Variants in COL26A1 observed in about 807,000 individuals in gnomAD.
COL26A1 encodes collagen alpha-1(XXVI) chain.
A neutral mutation model predicts 59.3 loss-of-function variants in COL26A1; 41 were observed. That is an observed-to-expected ratio of 0.69 (90% confidence interval 0.54 to 0.90). The LOEUF is 0.90. Among genes scored for constraint, COL26A1 ranks in the 40% least tolerant of loss-of-function variants. The probability of loss-of-function intolerance (pLI) is 0.00; values close to 1 mark genes in which losing one functional copy is unlikely to be tolerated. For synonymous variants in COL26A1, 266 were observed against 256.0 expected (o/e 1.04, Z -0.37); for missense variants, 612 against 602.3 (o/e 1.02, Z -0.17).
At chr7:101,554,441 C>T (rs1363895794) in intron 11 of COL26A1, among the ~76,000 whole-genome samples, 2 of 151,832 alleles carry the variant, frequency 1.3e-5, no homozygotes, top group African/African-American at 2.4e-5. Flanking sequence ...GACTGTGACC[C>T]CCTCCATTTC....
At position 101,504,807 on chromosome 7, in the gene COL26A1, C is replaced by CTGTGTG. The variant is rs149023314; in HGVS notation, c.386-28261_386-28256dup. ...CCTGGACTCTTGGTTGTTGCCCAGA[C>CTGTGTG]TGTGTGTGTGTGTGTGTGTATGTGT... On this transcript the variant is annotated intron_variant, in intron 3 of 12. Transcript: ENST00000313669. Among the ~76,000 whole-genome samples the CTGTGTG allele has an allele frequency of 1.4e-3, 211 of 150,496 alleles. 1 individual carries two copies. Among genetic ancestry groups the CTGTGTG allele is most frequent in the African/African-American group, 4.9e-3 (203 of 41,182 alleles).
intron 1 of COL26A1, among the ~76,000 whole-genome samples, chr7:101,371,265 A>C (rs1791185058): frequency 6.6e-6 from 1 of 152,148 alleles, no homozygotes; most frequent in Non-Finnish European, 1.5e-5. Flanking sequence ...GTGGATGATC[A>C]CATCCATGGG....
chr7:101,557,363 C>T lies in COL26A1; in HGVS notation c.1166-7C>T. The T allele has an allele frequency of 6.2e-7, 1 of 1,610,572 alleles. No individual in the cohort carries two copies. Among genetic ancestry groups the T allele is most frequent in the Non-Finnish European group, 8.5e-7 (1 of 1,177,508 alleles). On this transcript the variant is annotated splice_polypyrimidine_tract_variant and splice_region_variant and intron_variant, in intron 12 of 12. Coordinates refer to ENST00000313669, the MANE Select transcript of COL26A1 (RefSeq NM_001278563.3). ...ACCTCGAGTCCACCCTCCTGCTCTC[C>T]TTCCAGATCCCCTGGCCTCCCCAGA... is the stretch of plus-strand genomic sequence containing the variant.
Position 101,515,760 on chromosome 7 carries a change from T to C in COL26A1, c.386-17322T>C, listed in dbSNP as rs368609314. ...TGTGCCACCACAACCAGGTAATTTT[T>C]GTATTATTGGTAGAGACAAGGTTTT... is the stretch of plus-strand genomic sequence containing the variant. On this transcript the variant is annotated intron_variant, in intron 3 of 12. Transcript: ENST00000313669. Among the ~76,000 whole-genome samples the C allele has an allele frequency of 4.6e-5, 7 of 152,176 alleles. No individual in the cohort carries two copies. In the East Asian group the frequency reaches 1.4e-3, roughly 29 times the overall value.
At chr7:101,492,278 A>T (rs534320082) in intron 3 of COL26A1, among the ~76,000 whole-genome samples, 9 of 152,160 alleles carry the variant, frequency 5.9e-5, no homozygotes, top group Non-Finnish European at 1.3e-4. Flanking sequence ...CACACGGAAC[A>T]TGATGAGGAT....
At chr7:101,518,212 G>A (rs1008511620) in intron 3 of COL26A1, among the ~76,000 whole-genome samples, 4 of 152,162 alleles carry the variant, frequency 2.6e-5, no homozygotes, top group African/African-American at 4.8e-5. Flanking sequence ...GAATTTGTCT[G>A]TTCCTTGAGA....
At chr7:101,503,328 G>A (rs1298369998) in intron 3 of COL26A1, among the ~76,000 whole-genome samples, 2 of 152,214 alleles carry the variant, frequency 1.3e-5, no homozygotes, top group Non-Finnish European at 2.9e-5. Context: ...CCCACGTGCA[G>A]GAGTCACCCT....
chr7:101,393,392 A>G (rs1366863296), intron 1 of COL26A1, among the ~76,000 whole-genome samples: 1 of 152,160 alleles, frequency 6.6e-6, no homozygotes, highest in Non-Finnish European at 1.5e-5. Context: ...GGCAGGAAGC[A>G]TCCAGCACGG....
chr7:101,557,390 G>A lies in COL26A1; in HGVS notation c.1186G>A (p.Gly396Arg), dbSNP rs1796004837. 6 of 1,613,530 alleles carry A rather than the reference G, an allele frequency of 3.7e-6. No individual in the cohort carries two copies. The highest frequency in any genetic ancestry group is 4.2e-6 in the Non-Finnish European group (5 of 1,179,624). The change falls in exon 13 of 13, where the codon GGA becomes AGA. Residue 396 changes from glycine to arginine, a missense_variant. By Grantham distance (125) the Gly-to-Arg change is moderately radical. Coordinates refer to ENST00000313669, the MANE Select transcript of COL26A1 (RefSeq NM_001278563.3). Reference sequence around the variant, plus strand: ...TCCAGATCCCCTGGCCTCCCCAGAGGGAGGTTCTGGCCAGGATGCTGCCCT... The same window carrying A: ...TCCAGATCCCCTGGCCTCCCCAGAGAGAGGTTCTGGCCAGGATGCTGCCCT... ...GIHDPLASPE[G>R]GSGQDAALRA...
chr7:101,506,907 C>T (rs913548386), intron 3 of COL26A1, among the ~76,000 whole-genome samples: 1 of 151,280 alleles, frequency 6.6e-6, no homozygotes, highest in African/African-American at 2.5e-5. Context: ...AGCAACTCCT[C>T]CCCACTCCCT....
intron 3 of COL26A1, among the ~76,000 whole-genome samples, chr7:101,527,475 G>A (rs542500180): frequency 1.4e-4 from 21 of 150,498 alleles, no homozygotes; most frequent in Middle Eastern, 3.5e-3. Flanking sequence ...TTACAGGCAC[G>A]CACCACCACG....
rs1347367497 is a variant in COL26A1 at position 101,366,334 on chromosome 7, G to A, written c.158+3144G>A. On this transcript the variant is annotated intron_variant, in intron 1 of 12. Transcript: ENST00000313669. The stretch of plus-strand genomic sequence containing the variant: ...GATGTCCAGAAGCTGAAGGCTTGGG[G>A]ACAGCAGTGGTCCTTGCAGCCTTGG... Among the ~76,000 whole-genome samples the A allele has an allele frequency of 3.3e-5, 5 of 152,170 alleles. No homozygotes were observed. In the East Asian group the frequency reaches 9.6e-4, roughly 29 times the overall value.
rs565179144 is a variant in COL26A1, at chr7:101,555,776, C to A, written c.1081-11C>A. 4 of 1,603,006 alleles carry A rather than the reference C, an allele frequency of 2.5e-6. No individual in the cohort carries two copies. Among genetic ancestry groups the A allele is most frequent in the South Asian group, 1.1e-5 (1 of 88,408 alleles). ...GGCCGGCCCTGACCCTGCCTGTTTC[C>A]TCCCCGCCAGGGCGAGGGGGTGCAG... is the stretch of plus-strand genomic sequence containing the variant. On this transcript the variant is annotated splice_polypyrimidine_tract_variant and intron_variant, in intron 11 of 12. Coordinates refer to ENST00000313669, the MANE Select transcript of COL26A1 (RefSeq NM_001278563.3).
intron 3 of COL26A1, among the ~76,000 whole-genome samples, chr7:101,509,970 T>C (rs887130919): frequency 7.3e-5 from 11 of 151,284 alleles, no homozygotes; most frequent in Non-Finnish European, 1.6e-4. Context: ...TCAGGTGATC[T>C]GCCAATCTCA....
chr7:101,410,372 T>C (rs917714811), intron 1 of COL26A1, among the ~76,000 whole-genome samples: 2 of 152,202 alleles, frequency 1.3e-5, no homozygotes, highest in African/African-American at 2.4e-5. Context: ...CGTACCTGCA[T>C]CTTAGCAACT....
chr7:101,377,657 G>A (rs1408106504), intron 1 of COL26A1, among the ~76,000 whole-genome samples: 2 of 151,578 alleles, frequency 1.3e-5, no homozygotes, highest in Non-Finnish European at 2.9e-5. Context: ...GAACTCCTGG[G>A]CTCAAGCGAT....
At chr7:101,496,739 T>A (rs2898582) in intron 3 of COL26A1, among the ~76,000 whole-genome samples, 150,619 of 152,190 alleles carry the variant, frequency 0.99, 74,534 homozygotes, top group Middle Eastern at 1. Context: ...TACAAAAAAT[T>A]CCCAGGCGTG....
chr7:101,493,247 C>A (rs1456372834), intron 3 of COL26A1, among the ~76,000 whole-genome samples: 2 of 150,448 alleles, frequency 1.3e-5, no homozygotes, highest in East Asian at 2.0e-4. Context: ...TGCCTCCCTC[C>A]CCACCCCGCC....
intron 3 of COL26A1, among the ~76,000 whole-genome samples, chr7:101,489,599 C>CA (rs1794339903): frequency 6.9e-6 from 1 of 145,150 alleles, no homozygotes; most frequent in Non-Finnish European, 1.5e-5. Context: ...TATTTTCTTT[C>CA]TTTTTCTTTC....
Sources: allele counts gnomAD v4.1 joint callset (sites outside exome capture counted in the v4.1 genomes callset), GRCh38; gene constraint gnomAD v4.1.1; transcripts MANE v1.5; gene names NCBI Gene and HGNC (gene_info 2026-07-23, HGNC 2026-07-21).